PTPRT: variants seen among roughly 807,000 people sequenced by gnomAD.
The protein encoded by PTPRT is receptor-type tyrosine-protein phosphatase T.
In PTPRT, 56 loss-of-function variants were observed where a neutral mutation model predicts 176.8. That is an observed-to-expected ratio of 0.32 (90% CI 0.26 to 0.40). The LOEUF (loss-of-function observed/expected upper bound fraction) is 0.40, where lower values mean the gene tolerates loss of function less well. Ranked by LOEUF, PTPRT falls within the 10% of genes least tolerant of loss-of-function variation. PTPRT has a pLI of 1.00. For synonymous variants in PTPRT, 783 were observed against 739.0 expected, an observed-to-expected ratio of 1.06 and a Z score of -0.96; for missense variants, 1,540 against 1,908.2, an observed-to-expected ratio of 0.81 and a Z score of 3.60.
At chr20:43,152,904 T>C (rs2014402980) in intron 1 of PTPRT, among the ~76,000 whole-genome samples, 2 of 152,204 alleles carry the variant, frequency 1.3e-5, no homozygotes, top group Admixed American at 1.3e-4. Context: ...GAAATGGAGA[T>C]TGTATTACTT....
At chr20:42,976,548 G>T (rs913933907) in intron 1 of PTPRT, among the ~76,000 whole-genome samples, 174 of 152,096 alleles carry the variant, frequency 1.1e-3, no homozygotes, top group Non-Finnish European at 1.5e-4. Context: ...TGGGATTATA[G>T]GCACCCACCA....
intron 18 of PTPRT, among the ~76,000 whole-genome samples, chr20:42,135,069 A>C (rs73114444): frequency 0.19 from 29,105 of 152,002 alleles, 2,950 homozygotes; most frequent in Non-Finnish European, 0.22. Context: ...CCCTCACCAC[A>C]CCTGTAGACC....
At chr20:42,140,899 C>T (rs1312004105) in intron 18 of PTPRT, among the ~76,000 whole-genome samples, 1 of 152,126 alleles carries the variant, frequency 6.6e-6, no homozygotes, top group African/African-American at 2.4e-5. Context: ...TTTTATGTAC[C>T]TTTAAATGCT....
intron 2 of PTPRT, among the ~76,000 whole-genome samples, chr20:42,798,430 T>A (rs2077482939): frequency 1.3e-5 from 2 of 152,146 alleles, no homozygotes; most frequent in Admixed American, 1.3e-4. Flanking sequence ...AGTATTACCA[T>A]GAAAACTAGT....
intron 9 of PTPRT, among the ~76,000 whole-genome samples, chr20:42,380,529 C>A (rs1255517999): frequency 2.0e-5 from 3 of 152,222 alleles, no homozygotes; most frequent in Non-Finnish European, 4.4e-5. Context: ...GAATGTGTCT[C>A]CCTCCCAGAC....
intron 9 of PTPRT, among the ~76,000 whole-genome samples, chr20:42,439,418 G>A (rs2059292279): frequency 6.6e-6 from 1 of 152,158 alleles, no homozygotes; most frequent in African/African-American, 2.4e-5. Context: ...TTGACAGAAC[G>A]ATACCTCCCT....
At chr20:42,374,546 G>A (rs1053937095) in intron 9 of PTPRT, among the ~76,000 whole-genome samples, 1 of 151,980 alleles carries the variant, frequency 6.6e-6, no homozygotes, top group Non-Finnish European at 1.5e-5. Context: ...GGCAGAGAAC[G>A]TCAATATTTT....
intron 9 of PTPRT, among the ~76,000 whole-genome samples, chr20:42,364,802 T>C (rs543868182): frequency 9.2e-5 from 14 of 152,136 alleles, no homozygotes; most frequent in Non-Finnish European, 2.1e-4. Context: ...TACAGAGTGC[T>C]GAAAGGAGAT....
intron 6 of PTPRT, among the ~76,000 whole-genome samples, chr20:42,718,694 C>T (rs2076262851): frequency 6.6e-6 from 1 of 152,030 alleles, no homozygotes; most frequent in Non-Finnish European, 1.5e-5. Context: ...AGTCACAATA[C>T]CTTTGCAAAG....
intron 1 of PTPRT, among the ~76,000 whole-genome samples, chr20:43,094,244 C>T (rs752183237): frequency 6.6e-6 from 1 of 151,056 alleles, no homozygotes. Flanking sequence ...TGCACCATCA[C>T]GCCCAGCTAA....
chr20:43,153,817 G>A (rs1231357249), intron 1 of PTPRT, among the ~76,000 whole-genome samples: 1 of 152,222 alleles, frequency 6.6e-6, no homozygotes, highest in Admixed American at 6.5e-5. Flanking sequence ...CTGGCAACAA[G>A]CTCAGCACAG....
At chr20:42,781,538 T>C (rs1281227346) in intron 3 of PTPRT, among the ~76,000 whole-genome samples, 2 of 152,310 alleles carry the variant, frequency 1.3e-5, no homozygotes, top group South Asian at 2.1e-4. Flanking sequence ...CTGTCTACCC[T>C]ATATCTCCAA....
intron 1 of PTPRT, among the ~76,000 whole-genome samples, chr20:42,987,394 C>T (rs1034383216): frequency 5.9e-5 from 9 of 152,170 alleles, no homozygotes; most frequent in Admixed American, 1.3e-4. Flanking sequence ...CTATGGTGGT[C>T]GGCAGTGCAG....
In PTPRT at chr20:42,816,105, C is replaced by T. The variant is rs561583493; in HGVS notation, c.215-24639G>A. On this transcript the variant is annotated intron_variant, in intron 2 of 30. Coordinates refer to ENST00000373187, the MANE Select transcript of PTPRT (RefSeq NM_007050.6). ...CAGTAATACTAACTGTGAAAAGCCA[C>T]CTCATCTCAGACGACAGCCATGATT... 9.9e-5 allele frequency among the ~76,000 whole-genome samples: 15 copies of T among 152,278 alleles called. No individual in the cohort carries two copies. In the South Asian group the frequency reaches 1.9e-3, roughly 19 times the overall value.
At position 42,179,837 on chromosome 20, in the gene PTPRT, T is replaced by G. The variant is rs147873937; in HGVS notation, c.2492-18295A>C. Among the ~76,000 whole-genome samples, 8 of 152,174 alleles carry G rather than the reference T, an allele frequency of 5.3e-5. No individual in the cohort carries two copies. In the East Asian group the frequency reaches 1.5e-3, roughly 29 times the overall value. On this transcript the variant is annotated intron_variant, in intron 16 of 30. Coordinates refer to ENST00000373187, the MANE Select transcript of PTPRT (RefSeq NM_007050.6). ...GGGGCTGGAGCAATCACCATGATGA[T>G]AGTATGGGTGACTAGCCTAAAGAAA...
At chr20:42,691,501 A>G (rs374021365) in intron 6 of PTPRT, among the ~76,000 whole-genome samples, 2 of 152,210 alleles carry the variant, frequency 1.3e-5, no homozygotes, top group Non-Finnish European at 2.9e-5. Flanking sequence ...ACTGCTCTGA[A>G]GTGTCAGGAA....
At chr20:43,078,953 C>G (rs951922457) in intron 1 of PTPRT, among the ~76,000 whole-genome samples, 3 of 152,168 alleles carry the variant, frequency 2.0e-5, no homozygotes, top group African/African-American at 4.8e-5. Context: ...ACACATGCCA[C>G]TCTGCTTCCC....
chr20:42,792,622 G>C (rs563438403), intron 2 of PTPRT, among the ~76,000 whole-genome samples: 189 of 152,294 alleles, frequency 1.2e-3, no homozygotes, highest in Middle Eastern at 0.01. Context: ...GATAAACTCA[G>C]TTGATTCTAG....
At chr20:43,122,590 G>C (rs995652520) in intron 1 of PTPRT, among the ~76,000 whole-genome samples, 1 of 152,218 alleles carries the variant, frequency 6.6e-6, no homozygotes, top group Non-Finnish European at 1.5e-5. Context: ...GTTAACGAGT[G>C]AGTGCTCGCT....
Sources: allele counts gnomAD v4.1 joint callset (sites outside exome capture counted in the v4.1 genomes callset), GRCh38; gene constraint gnomAD v4.1.1; transcripts MANE v1.5; gene names NCBI Gene and HGNC (gene_info 2026-07-23, HGNC 2026-07-21).